LPCAT2: variants seen among roughly 807,000 people sequenced by gnomAD.
The protein encoded by LPCAT2 is 1-AGP acyltransferase 11.
A neutral mutation model predicts 64.7 loss-of-function variants in LPCAT2; 58 were observed. The ratio of observed to expected loss-of-function variants is 0.90; its 90% CI spans 0.73 to 1.12. LPCAT2 has a LOEUF of 1.12. LPCAT2 is among the 50% of genes most tolerant of loss of function. The probability of loss-of-function intolerance (pLI) is 0.00; values close to 1 mark genes in which losing one functional copy is unlikely to be tolerated. For synonymous variants in LPCAT2, 252 were observed against 245.3 expected, an observed-to-expected ratio of 1.03 and a Z score of -0.26; for missense variants, 579 against 669.8, an observed-to-expected ratio of 0.86 and a Z score of 1.50.
chr16:55,543,436 T>G (rs1360381101), intron 8 of LPCAT2, among the ~76,000 whole-genome samples: 1 of 152,134 alleles, frequency 6.6e-6, no homozygotes, highest in Admixed American at 6.6e-5. Context: ...TTACAAATGG[T>G]TGTTTGACTT....
chr16:55,514,406 C>T (rs531949423), intron 1 of LPCAT2, among the ~76,000 whole-genome samples: 1 of 152,280 alleles, frequency 6.6e-6, no homozygotes, highest in South Asian at 2.1e-4. Flanking sequence ...AGACCCTTTG[C>T]AAGGATCAGG....
chr16:55,567,969 T>C (rs1479957723), intron 11 of LPCAT2, among the ~76,000 whole-genome samples: 4 of 152,186 alleles, frequency 2.6e-5, no homozygotes, highest in African/African-American at 9.7e-5. Flanking sequence ...TTTCTTGTAA[T>C]TTTATACCTG....
intron 11 of LPCAT2, among the ~76,000 whole-genome samples, chr16:55,557,877 C>T (rs890192872): frequency 6.6e-6 from 1 of 152,164 alleles, no homozygotes; most frequent in Non-Finnish European, 1.5e-5. Context: ...CTCCTTCTAA[C>T]ATGTCTTTAC....
rs1039883683 is a variant in LPCAT2 at position 55,585,490 on chromosome 16, C to A, written c.*2392C>A. On this transcript the variant is annotated 3_prime_UTR_variant, in exon 14 of 14. Coordinates refer to ENST00000262134, the MANE Select transcript of LPCAT2 (RefSeq NM_017839.5). ...TCTTTCACAGAGGCTTTTCTCCTCT[C>A]AAGACTTAAAGTAAGAATTACATTT... 6.6e-5 allele frequency: 10 copies of A among 152,166 alleles called. No individual in the cohort carries two copies. Among genetic ancestry groups the A allele is most frequent in the South Asian group, 6.2e-4 (3 of 4,826 alleles). The allele number at this position is 152,166 out of a possible 1,614,324, so 9.4% of individuals were successfully genotyped here. A position where few individuals can be genotyped will look rare whatever the true frequency, so the allele number is the denominator to read the frequency against.
At chr16:55,530,254 G>A (rs576298396) in intron 4 of LPCAT2, among the ~76,000 whole-genome samples, 1 of 151,868 alleles carries the variant, frequency 6.6e-6, no homozygotes, top group Admixed American at 6.6e-5. Context: ...GATGAGATAG[G>A]GGATACCTTA....
At chr16:55,567,445 G>A in intron 11 of LPCAT2, 1 of 1,613,854 alleles carries the variant, frequency 6.2e-7, no homozygotes, top group African/African-American at 1.3e-5. Flanking sequence ...GATAGAGATA[G>A]AGATGGCCTG....
chr16:55,558,149 A>G (rs1888073752), intron 11 of LPCAT2, among the ~76,000 whole-genome samples: 1 of 152,378 alleles, frequency 6.6e-6, no homozygotes, highest in Non-Finnish European at 1.5e-5. Context: ...AGCTTAAACA[A>G]TGGTTTAAAA....
chr16:55,526,221 T>C (rs1275057481), intron 2 of LPCAT2, among the ~76,000 whole-genome samples: 1 of 152,174 alleles, frequency 6.6e-6, no homozygotes, highest in African/African-American at 2.4e-5. Flanking sequence ...TCAGGCATTA[T>C]CTAATTAAGA....
At position 55,584,731 on chromosome 16, in the gene LPCAT2, A is replaced by G. The variant is rs1596896349; in HGVS notation, c.*1633A>G. 1 of 152,152 alleles carries G rather than the reference A, an allele frequency of 6.6e-6. No individual in the cohort carries two copies. The highest frequency in any genetic ancestry group is 1.5e-5 in the Non-Finnish European group (1 of 68,002). 9.4% of individuals were successfully genotyped at this position (152,152 alleles called of 1,614,324 possible). On this transcript the variant is annotated 3_prime_UTR_variant, in exon 14 of 14. Transcript: ENST00000262134. Reference sequence around the variant, plus strand: ...ATTTAATCAAGAGTCATGATTTCAAACTAGTTTTACATATTAAGCAGTTAG... The same window carrying G: ...ATTTAATCAAGAGTCATGATTTCAAGCTAGTTTTACATATTAAGCAGTTAG...
At chr16:55,544,527 T>A (rs898590049) in intron 8 of LPCAT2, among the ~76,000 whole-genome samples, 1 of 152,214 alleles carries the variant, frequency 6.6e-6, no homozygotes, top group Admixed American at 6.5e-5. Context: ...GGGGAAAAAT[T>A]AATGAAATAA....
At chr16:55,582,594 T>C (rs545410303) in intron 13 of LPCAT2, among the ~76,000 whole-genome samples, 5 of 152,330 alleles carry the variant, frequency 3.3e-5, no homozygotes, top group African/African-American at 1.2e-4. Flanking sequence ...AAGTTGTTTT[T>C]ATTTTTTATC....
At chr16:55,509,756 G>A (rs554261045) in intron 1 of LPCAT2, among the ~76,000 whole-genome samples, 20 of 152,092 alleles carry the variant, frequency 1.3e-4, no homozygotes, top group Non-Finnish European at 2.8e-4. Flanking sequence ...TCTGAGAATT[G>A]AGGACATTTA....
chr16:55,514,450 C>G (rs1467182538), intron 1 of LPCAT2, among the ~76,000 whole-genome samples: 2 of 152,140 alleles, frequency 1.3e-5, no homozygotes, highest in African/African-American at 2.4e-5. Flanking sequence ...AAGAAAATCT[C>G]TAATTATTAG....
chr16:55,560,376 G>A (rs1411281181), intron 11 of LPCAT2, among the ~76,000 whole-genome samples: 2 of 152,080 alleles, frequency 1.3e-5, no homozygotes, highest in Non-Finnish European at 2.9e-5. Context: ...GAGTCCTTCT[G>A]TGTTATTCTA....
chr16:55,571,543 G>C (rs1963769987), intron 11 of LPCAT2, among the ~76,000 whole-genome samples: 1 of 152,112 alleles, frequency 6.6e-6, no homozygotes, highest in Non-Finnish European at 1.5e-5. Flanking sequence ...CTCCAGATTA[G>C]GACAGGTTAT....
chr16:55,567,453 C>A, intron 11 of LPCAT2: 1 of 1,613,718 alleles, frequency 6.2e-7, no homozygotes, highest in East Asian at 2.2e-5. Flanking sequence ...TAGAGATGGC[C>A]TGATTCAAGT....
At chr16:55,545,928 A>C (rs148359090) in intron 9 of LPCAT2, 111 bp downstream of exon 9, 1 of 681,710 alleles carries the variant, frequency 1.5e-6, no homozygotes, top group East Asian at 2.7e-5. Context: ...TCGTTCCCCA[A>C]TTCATTTTGA....
intron 11 of LPCAT2, chr16:55,556,796 G>A (rs1437327758): frequency 6.6e-6 from 1 of 152,246 alleles, no homozygotes; most frequent in African/African-American, 2.4e-5. Flanking sequence ...GTCTTTTGAT[G>A]ATTGATGATA....
intron 1 of LPCAT2, among the ~76,000 whole-genome samples, chr16:55,518,600 G>T (rs1293227634): frequency 6.6e-6 from 1 of 152,184 alleles, no homozygotes; most frequent in Admixed American, 6.5e-5. Context: ...CAATGAAATA[G>T]AATTGACAAT....
Sources: allele counts gnomAD v4.1 joint callset (sites outside exome capture counted in the v4.1 genomes callset), GRCh38; gene constraint gnomAD v4.1.1; transcripts MANE v1.5; gene names NCBI Gene and HGNC (gene_info 2026-07-23, HGNC 2026-07-21).